The following RNLS variants were observed in gnomAD, a reference collection of about 807,000 sequenced individuals.
The protein encoded by RNLS is renalase.
Under a neutral mutation model 39.8 loss-of-function variants are expected in RNLS, and 39 were observed. That is an observed-to-expected ratio of 0.98 (90% confidence interval 0.76 to 1.28). RNLS has a LOEUF of 1.28. RNLS is among the 50% of genes most tolerant of loss of function. The probability of loss-of-function intolerance (pLI) is 0.00; values close to 1 mark genes in which losing one functional copy is unlikely to be tolerated. For missense variants in RNLS, 410 were observed against 413.3 expected (o/e 0.99, Z 0.07); for synonymous variants, 147 against 150.7 (o/e 0.98, Z 0.18).
the RNLS span, among the ~76,000 whole-genome samples, chr10:88,185,783 A>C: frequency 1.3e-5 from 2 of 152,226 alleles, no homozygotes; most frequent in Admixed American, 1.3e-4. Flanking sequence ...AATAAAATAC[A>C]GTATTAAATC....
chr10:88,406,884 T>G (rs1853308406), intron 4 of RNLS, among the ~76,000 whole-genome samples: 3 of 152,018 alleles, frequency 2.0e-5, no homozygotes, highest in Non-Finnish European at 2.9e-5. Flanking sequence ...AGGAATGAAT[T>G]AACAGCATCT....
chr10:88,363,638 G>A (rs1318073205), intron 4 of RNLS, among the ~76,000 whole-genome samples: 1 of 151,956 alleles, frequency 6.6e-6, no homozygotes, highest in Non-Finnish European at 1.5e-5. Flanking sequence ...AACTTTAAAG[G>A]GATAGAAAGG....
At chr10:88,325,617 T>A (rs1846544742) in intron 5 of RNLS, among the ~76,000 whole-genome samples, 1 of 152,200 alleles carries the variant, frequency 6.6e-6, no homozygotes, top group African/African-American at 2.4e-5. Context: ...GTTGTAACCA[T>A]TAATAGGTTA....
At chr10:88,235,267 CAAAAAAAAAAAAA>C in the RNLS span, among the ~76,000 whole-genome samples, 4 of 61,924 alleles carry the variant, frequency 6.5e-5, no homozygotes, top group Admixed American at 2.2e-4. Flanking sequence ...GACTCTATCT[CAAAAAAAAAAAAA>C]AAAAAAAAAA....
chr10:88,355,286 C>T (rs563563622), intron 5 of RNLS, among the ~76,000 whole-genome samples: 15 of 152,308 alleles, frequency 9.8e-5, no homozygotes, highest in African/African-American at 2.2e-4. Context: ...GGAGGAGAGG[C>T]GCTCTGATTT....
At chr10:88,234,315 AC>A in the RNLS span, among the ~76,000 whole-genome samples, 1,201 of 151,844 alleles carry the variant, frequency 7.9e-3, 6 homozygotes, top group Non-Finnish European at 0.013. Context: ...TCATGCTTGG[AC>A]CCTTCTCTTC....
At chr10:88,486,469 C>T (rs550964032) in intron 4 of RNLS, among the ~76,000 whole-genome samples, 40 of 151,458 alleles carry the variant, frequency 2.6e-4, no homozygotes, top group African/African-American at 8.0e-4. Flanking sequence ...ACCATGCATC[C>T]GACAAAGGCC....
intron 4 of RNLS, among the ~76,000 whole-genome samples, chr10:88,485,511 A>C (rs997227453): frequency 6.6e-6 from 1 of 151,900 alleles, no homozygotes; most frequent in Non-Finnish European, 1.5e-5. Flanking sequence ...CTTGAAGAAA[A>C]GTTTGAAAAA....
chr10:88,368,104 T>A (rs1850265705), intron 4 of RNLS, among the ~76,000 whole-genome samples: 1 of 148,960 alleles, frequency 6.7e-6, no homozygotes, highest in Admixed American at 6.7e-5. Flanking sequence ...TTCTTATGGT[T>A]TTTTTTTTCC....
intron 5 of RNLS, among the ~76,000 whole-genome samples, chr10:88,320,278 C>A (rs565993992): frequency 6.6e-6 from 1 of 151,742 alleles, no homozygotes; most frequent in African/African-American, 2.4e-5. Flanking sequence ...ACCAGTCCTA[C>A]AAGAAAAGCT....
chr10:88,475,831 T>C (rs1185686962), intron 4 of RNLS, among the ~76,000 whole-genome samples: 1 of 152,302 alleles, frequency 6.6e-6, no homozygotes, highest in East Asian at 1.9e-4. Context: ...AATGGTAATA[T>C]TGCAGGCTGC....
At chr10:88,521,575 G>A (rs1472352568) in intron 4 of RNLS, among the ~76,000 whole-genome samples, 1 of 151,992 alleles carries the variant, frequency 6.6e-6, no homozygotes, top group Non-Finnish European at 1.5e-5. Flanking sequence ...TGAGGTTTAA[G>A]GTGAAGAATG....
At chr10:88,172,070 T>C in the RNLS span, among the ~76,000 whole-genome samples, 3 of 152,214 alleles carry the variant, frequency 2.0e-5, no homozygotes, top group Non-Finnish European at 4.4e-5. Context: ...TATCCATTCA[T>C]CTGTTGACAG....
chr10:88,210,404 C>G, the RNLS span, among the ~76,000 whole-genome samples: 1 of 152,118 alleles, frequency 6.6e-6, no homozygotes, highest in Non-Finnish European at 1.5e-5. Flanking sequence ...TCATGTTAGT[C>G]CTAGTTTAAT....
chr10:88,276,189 A>C (rs995320161), intron 6 of RNLS, among the ~76,000 whole-genome samples: 1 of 152,200 alleles, frequency 6.6e-6, no homozygotes, highest in Non-Finnish European at 1.5e-5. Context: ...TGTTTTCTCT[A>C]CATTAAGGAC....
intron 3 of RNLS, among the ~76,000 whole-genome samples, chr10:88,573,518 G>A (rs1002435108): frequency 1.3e-5 from 2 of 152,214 alleles, no homozygotes; most frequent in Non-Finnish European, 1.5e-5. Flanking sequence ...AATGAAATAA[G>A]AAGAGCAATA....
At chr10:88,314,733 C>T in intron 5 of RNLS, 92 bp from the exon 6 acceptor site, 1 of 1,067,922 alleles carries the variant, frequency 9.4e-7, no homozygotes, top group South Asian at 2.1e-5. Context: ...GAACTGATCA[C>T]AATAATCAAG....
At chr10:88,202,694 G>A in the RNLS span, among the ~76,000 whole-genome samples, 1 of 152,166 alleles carries the variant, frequency 6.6e-6, no homozygotes, top group Non-Finnish European at 1.5e-5. Flanking sequence ...CTGTTCTACT[G>A]GGAGCCAAGA....
At chr10:88,556,917 TCA>T (rs1424637969) in intron 4 of RNLS, among the ~76,000 whole-genome samples, 18 of 152,158 alleles carry the variant, frequency 1.2e-4, no homozygotes, top group Admixed American at 1.2e-3. Flanking sequence ...ACCCCCTGGA[TCA>T]AATACTATAC....
Sources: allele counts gnomAD v4.1 joint callset (sites outside exome capture counted in the v4.1 genomes callset), GRCh38; gene constraint gnomAD v4.1.1; transcripts MANE v1.5; gene names NCBI Gene and HGNC (gene_info 2026-07-23, HGNC 2026-07-21).